Variants in WDR7 observed in about 807,000 individuals in gnomAD.
The protein encoded by WDR7 is WD repeat-containing protein 7.
A neutral mutation model predicts 169.4 loss-of-function variants in WDR7; 46 were observed. The observed-to-expected ratio is 0.27, with a 90% CI of 0.21 to 0.35. The LOEUF (loss-of-function observed/expected upper bound fraction) is 0.35. Ranked by LOEUF, WDR7 falls within the 10% of genes least tolerant of loss-of-function variation. The pLI is 1.00. For synonymous variants in WDR7, 612 were observed against 666.8 expected, an observed-to-expected ratio of 0.92 and a Z score of 1.27; for missense variants, 1,534 against 1,859.3, an observed-to-expected ratio of 0.83 and a Z score of 3.22.
chr18:56,905,154 GTTTTA>G (rs1287474892), intron 21 of WDR7, among the ~76,000 whole-genome samples: 1 of 152,088 alleles, frequency 6.6e-6, no homozygotes, highest in African/African-American at 2.4e-5. Context: ...TGTTTATTTT[GTTTTA>G]TTCTGTTTTG....
intron 16 of WDR7, among the ~76,000 whole-genome samples, chr18:56,759,659 T>C (rs1371962560): frequency 6.6e-6 from 1 of 152,174 alleles, no homozygotes; most frequent in Non-Finnish European, 1.5e-5. Context: ...TAATACTGAC[T>C]CTTCACAGAA....
chr18:56,976,427 T>G (rs2047567000), intron 26 of WDR7, among the ~76,000 whole-genome samples: 1 of 152,162 alleles, frequency 6.6e-6, no homozygotes, highest in Non-Finnish European at 1.5e-5. Context: ...TTAGAAAGAT[T>G]TAATAATTAG....
At chr18:57,017,531 T>G (rs565119086) in intron 26 of WDR7, among the ~76,000 whole-genome samples, 5 of 148,034 alleles carry the variant, frequency 3.4e-5, no homozygotes, top group African/African-American at 1.3e-4. Context: ...GATGTTCTGA[T>G]CCAAGATGTA....
intron 19 of WDR7, among the ~76,000 whole-genome samples, chr18:56,798,110 A>G (rs2044614755): frequency 6.6e-6 from 1 of 152,168 alleles, no homozygotes; most frequent in Non-Finnish European, 1.5e-5. Flanking sequence ...GGTTAAAAGC[A>G]TTTTATTTTT....
chr18:57,016,447 A>T (rs2048208791), intron 26 of WDR7, among the ~76,000 whole-genome samples: 2 of 152,332 alleles, frequency 1.3e-5, no homozygotes, highest in Non-Finnish European at 2.9e-5. Context: ...AAAGAAAAAA[A>T]AATGATGAGA....
chr18:57,010,473 T>C lies in WDR7; in HGVS notation c.4165-10272T>C, dbSNP rs375044446. Reference sequence around the variant, plus strand: ...TATCAAAACGTTATGTTTTCATTTATGTCTTTAGGCTTTTTTAATCATTAT... The same window carrying C: ...TATCAAAACGTTATGTTTTCATTTACGTCTTTAGGCTTTTTTAATCATTAT... On this transcript the variant is annotated intron_variant, in intron 26 of 27. Coordinates refer to ENST00000254442, the MANE Select transcript of WDR7 (RefSeq NM_015285.3). Among the ~76,000 whole-genome samples, 6 of 152,350 alleles carry C rather than the reference T, an allele frequency of 3.9e-5. No individual in the cohort carries two copies. In the East Asian group the frequency reaches 1.2e-3, roughly 29 times the overall value.
At chr18:56,722,261 T>G (rs2026338842) in intron 13 of WDR7, among the ~76,000 whole-genome samples, 5 of 152,226 alleles carry the variant, frequency 3.3e-5, no homozygotes, top group Admixed American at 6.5e-5. Flanking sequence ...TTTTTCATGC[T>G]TTTATTTTGA....
intron 19 of WDR7, among the ~76,000 whole-genome samples, chr18:56,797,860 A>C (rs987374703): frequency 3.3e-5 from 5 of 152,212 alleles, no homozygotes; most frequent in African/African-American, 1.2e-4. Context: ...TGGATATGAA[A>C]AGAAATGAGA....
chr18:56,980,152 A>G (rs1011264085), intron 26 of WDR7, among the ~76,000 whole-genome samples: 2 of 152,190 alleles, frequency 1.3e-5, no homozygotes, highest in African/African-American at 2.4e-5. Context: ...ATGATGAGAC[A>G]TAGAGGAGGT....
intron 19 of WDR7, 51 bp from the exon 20 acceptor site, chr18:56,815,980 C>T: frequency 7.0e-7 from 1 of 1,425,226 alleles, no homozygotes; most frequent in Admixed American, 2.7e-5. Context: ...TTTCTGTTTG[C>T]TTTACTTTTC....
chr18:56,847,302 G>A (rs1197163157), intron 20 of WDR7, among the ~76,000 whole-genome samples: 1 of 152,206 alleles, frequency 6.6e-6, no homozygotes, highest in African/African-American at 2.4e-5. Context: ...CCAAAGAAAT[G>A]TCTAAGTTGC....
intron 20 of WDR7, among the ~76,000 whole-genome samples, chr18:56,833,470 T>TA (rs558788106): frequency 4.3e-4 from 66 of 151,894 alleles, no homozygotes; most frequent in Middle Eastern, 3.4e-3. Flanking sequence ...TAAAGTATAA[T>TA]AAAAAAAATA....
chr18:56,651,992 C>T (rs1323025201), intron 1 of WDR7, among the ~76,000 whole-genome samples: 1 of 152,102 alleles, frequency 6.6e-6, no homozygotes, highest in African/African-American at 2.4e-5. Flanking sequence ...TTTGCCCATG[C>T]CCAAGGTACT....
At chr18:56,691,958 A>T (rs767600164) in intron 9 of WDR7, 141 bp downstream of exon 9, 2 of 553,872 alleles carry the variant, frequency 3.6e-6, no homozygotes, top group Non-Finnish European at 6.0e-6. Context: ...TGAGATGGTC[A>T]GTTATAAGGA....
chr18:57,027,260 G>A lies in WDR7; in HGVS notation c.*53G>A, dbSNP rs73446859. The A allele has an allele frequency of 4.2e-4, 653 of 1,545,414 alleles. No homozygotes were observed. Among genetic ancestry groups the A allele is most frequent in the Non-Finnish European group, 5.3e-4 (606 of 1,147,588 alleles). On this transcript the variant is annotated 3_prime_UTR_variant, in exon 28 of 28. Transcript: ENST00000254442. ...TTTAGTTCTCTAAATTATCCAAGCCGATGTTGCTCTGTCCTTCCTCACACC... is the reference window on the plus strand; with the variant it reads ...TTTAGTTCTCTAAATTATCCAAGCCAATGTTGCTCTGTCCTTCCTCACACC...
chr18:56,761,783 A>G (rs1281774675), intron 16 of WDR7, among the ~76,000 whole-genome samples: 3 of 151,752 alleles, frequency 2.0e-5, no homozygotes, highest in South Asian at 2.1e-4. Context: ...ATGTTTAGCT[A>G]TTTTTCATTT....
chr18:56,660,334 G>C (rs1418567358), intron 1 of WDR7, among the ~76,000 whole-genome samples: 1 of 152,164 alleles, frequency 6.6e-6, no homozygotes, highest in African/African-American at 2.4e-5. Context: ...CTGGGGAACT[G>C]TCAAAATCTG....
intron 14 of WDR7, among the ~76,000 whole-genome samples, chr18:56,735,991 T>C (rs562303902): frequency 6.6e-6 from 1 of 152,314 alleles, no homozygotes; most frequent in East Asian, 1.9e-4. Flanking sequence ...TTTGCTTTAT[T>C]TTTATAAAAG....
chr18:56,839,980 T>C (rs2045456304), intron 20 of WDR7, among the ~76,000 whole-genome samples: 1 of 152,164 alleles, frequency 6.6e-6, no homozygotes, highest in Non-Finnish European at 1.5e-5. Flanking sequence ...GAGAATCTCT[T>C]GTACCCAGGA....
Sources: allele counts gnomAD v4.1 joint callset (sites outside exome capture counted in the v4.1 genomes callset), GRCh38; gene constraint gnomAD v4.1.1; transcripts MANE v1.5; gene names NCBI Gene and HGNC (gene_info 2026-07-23, HGNC 2026-07-21).